Variants in RCAN2 observed in about 807,000 individuals in gnomAD.
RCAN2 encodes regulator of calcineurin 2, also known as calcipressin-2.
RCAN2 carries 9 observed loss-of-function variants against 23.6 expected under a neutral mutation model. The observed-to-expected ratio is 0.38, with a 90% CI of 0.23 to 0.67. The LOEUF is 0.67. Ranked by LOEUF, RCAN2 falls within the 30% of genes least tolerant of loss-of-function variation. The probability of loss-of-function intolerance (pLI) is 0.51; values close to 1 mark genes in which losing one functional copy is unlikely to be tolerated. For missense variants in RCAN2, 273 were observed against 302.3 expected (o/e 0.90, Z 0.72); for synonymous variants, 109 against 115.7 (o/e 0.94, Z 0.37).
intron 1 of RCAN2, among the ~76,000 whole-genome samples, chr6:46,471,153 T>A (rs1370828783): frequency 6.6e-6 from 1 of 152,232 alleles, no homozygotes; most frequent in African/African-American, 2.4e-5. Context: ...CCAGGACATG[T>A]GGAGCCTTAC....
intron 1 of RCAN2, 125 bp from the exon 2 acceptor site, chr6:46,457,103 T>C (rs1275429883): frequency 9.3e-6 from 6 of 644,036 alleles, no homozygotes; most frequent in Admixed American, 2.8e-5. Flanking sequence ...AGGCAGGGGA[T>C]ATTGGAAGGG....
At chr6:46,429,292 G>A (rs921852103) in intron 2 of RCAN2, among the ~76,000 whole-genome samples, 1 of 152,176 alleles carries the variant, frequency 6.6e-6, no homozygotes, top group East Asian at 1.9e-4. Flanking sequence ...TGCCACTTTA[G>A]AGGCAGCTTT....
At chr6:46,346,962 G>A (rs1284385541) in intron 2 of RCAN2, among the ~76,000 whole-genome samples, 3 of 151,942 alleles carry the variant, frequency 2.0e-5, no homozygotes, top group Non-Finnish European at 2.9e-5. Flanking sequence ...TGCAAGCTCC[G>A]CCTCCCAGGT....
chr6:46,314,043 C>A (rs1038790416), intron 2 of RCAN2, among the ~76,000 whole-genome samples: 1 of 151,808 alleles, frequency 6.6e-6, no homozygotes, highest in East Asian at 1.9e-4. Context: ...TTTTTAGTAT[C>A]GGAATTGTTT....
chr6:46,270,637 C>T (rs1382832582), intron 2 of RCAN2, among the ~76,000 whole-genome samples: 1 of 152,184 alleles, frequency 6.6e-6, no homozygotes, highest in South Asian at 2.1e-4. Flanking sequence ...TTAAATAATA[C>T]AATCTGTCAA....
At chr6:46,431,128 C>T (rs1208921319) in intron 2 of RCAN2, among the ~76,000 whole-genome samples, 1 of 151,514 alleles carries the variant, frequency 6.6e-6, no homozygotes, top group Non-Finnish European at 1.5e-5. Flanking sequence ...TGTGTGCATG[C>T]ATGTGTGTGT....
chr6:46,488,817 A>T (rs1769063774), intron 1 of RCAN2, among the ~76,000 whole-genome samples: 1 of 152,136 alleles, frequency 6.6e-6, no homozygotes, highest in African/African-American at 2.4e-5. Context: ...GGCTCTGTAT[A>T]GATCTCTTCT....
intron 2 of RCAN2, among the ~76,000 whole-genome samples, chr6:46,355,741 G>T (rs992104762): frequency 3.3e-5 from 5 of 152,232 alleles, no homozygotes; most frequent in African/African-American, 2.4e-5. Flanking sequence ...GCCAAAGAAG[G>T]CAGAGAATGA....
chr6:46,282,150 A>C (rs1425796933), intron 2 of RCAN2, among the ~76,000 whole-genome samples: 1 of 152,192 alleles, frequency 6.6e-6, no homozygotes, highest in Admixed American at 6.6e-5. Flanking sequence ...ACTACTTCGC[A>C]TTTCCCCTAA....
intron 2 of RCAN2, among the ~76,000 whole-genome samples, chr6:46,372,334 T>C (rs539506969): frequency 3.3e-4 from 50 of 152,250 alleles, no homozygotes; most frequent in Non-Finnish European, 5.6e-4. Context: ...ATTGCAATAA[T>C]TCTATGAGCT....
intron 2 of RCAN2, among the ~76,000 whole-genome samples, chr6:46,455,886 A>G (rs1768010516): frequency 1.3e-5 from 2 of 149,696 alleles, no homozygotes; most frequent in Admixed American, 1.3e-4. Flanking sequence ...GAAAGAAAGA[A>G]AAAGAAAAAG....
rs767273208 is a variant in RCAN2 at position 46,405,150 on chromosome 6, C to T, written c.225+51602G>A. Among the ~76,000 whole-genome samples the T allele has an allele frequency of 6.2e-4, 94 of 152,208 alleles. 1 individual carries two copies. The highest frequency in any genetic ancestry group is 1.9e-4 in the Non-Finnish European group (13 of 68,014). The stretch of plus-strand genomic sequence containing the variant: ...TTAAGGCGGCGCATCTGGAGTCTGT[C>T]CCTTCTGATGTTCAGATGTGTTCGG... On this transcript the variant is annotated intron_variant, in intron 2 of 4. Coordinates refer to ENST00000371374, the MANE Select transcript of RCAN2 (RefSeq NM_001251974.2).
intron 2 of RCAN2, among the ~76,000 whole-genome samples, chr6:46,320,094 C>G (rs1763563702): frequency 6.6e-6 from 1 of 152,184 alleles, no homozygotes; most frequent in Admixed American, 6.5e-5. Flanking sequence ...ACAACTCAAA[C>G]ACTTCTAAGT....
intron 2 of RCAN2, among the ~76,000 whole-genome samples, chr6:46,254,216 G>T (rs1406378506): frequency 6.6e-6 from 1 of 152,126 alleles, no homozygotes; most frequent in East Asian, 1.9e-4. Flanking sequence ...CATAGGAACT[G>T]GTATTGGGAT....
At chr6:46,273,072 T>C (rs1169956560) in intron 2 of RCAN2, among the ~76,000 whole-genome samples, 3 of 152,178 alleles carry the variant, frequency 2.0e-5, no homozygotes, top group Non-Finnish European at 2.9e-5. Flanking sequence ...TATGTCTGTG[T>C]TTGTTTTTGT....
upstream of RCAN2, among the ~76,000 whole-genome samples, chr6:46,491,611 C>T (rs1769156845): frequency 1.3e-5 from 2 of 152,024 alleles, no homozygotes; most frequent in African/African-American, 4.8e-5. Context: ...CTCCCCAGTC[C>T]CCTACCCACC....
At chr6:46,444,297 G>GCTGT (rs1767636933) in intron 2 of RCAN2, among the ~76,000 whole-genome samples, 1 of 152,176 alleles carries the variant, frequency 6.6e-6, no homozygotes, top group Admixed American at 6.5e-5. Flanking sequence ...AGAATGAAGG[G>GCTGT]CTGTGGGCAG....
chr6:46,386,051 C>T (rs2150395811), intron 2 of RCAN2, among the ~76,000 whole-genome samples: 1 of 152,112 alleles, frequency 6.6e-6, no homozygotes, highest in South Asian at 2.1e-4. Context: ...AGCTTCCGCA[C>T]AGCAAAAGAA....
chr6:46,243,176 C>A (rs1223377139), intron 4 of RCAN2, among the ~76,000 whole-genome samples: 1 of 152,164 alleles, frequency 6.6e-6, no homozygotes, highest in East Asian at 1.9e-4. Flanking sequence ...CTGATTGTTG[C>A]AGCTGAAACA....
Sources: allele counts gnomAD v4.1 joint callset (sites outside exome capture counted in the v4.1 genomes callset), GRCh38; gene constraint gnomAD v4.1.1; transcripts MANE v1.5; gene names NCBI Gene and HGNC (gene_info 2026-07-23, HGNC 2026-07-21).